Variants in ANO6 observed in about 807,000 individuals in gnomAD.
ANO6 encodes anoctamin-6.
A neutral mutation model predicts 117.5 loss-of-function variants in ANO6; 106 were observed. The ratio of observed to expected loss-of-function variants is 0.90; its 90% CI spans 0.77 to 1.06. The LOEUF is 1.06. Among genes scored for constraint, ANO6 ranks in the 50% least tolerant of loss-of-function variants. ANO6 has a pLI of 0.00. For missense variants in ANO6, 955 were observed against 1,121.1 expected, an observed-to-expected ratio of 0.85 and a Z score of 2.12; for synonymous variants, 367 against 385.1, an observed-to-expected ratio of 0.95 and a Z score of 0.55.
At position 45,281,650 on chromosome 12, in the gene ANO6, G is replaced by A. The variant is rs1054796850; in HGVS notation, c.71-20364G>A. 5.9e-5 allele frequency among the ~76,000 whole-genome samples: 9 copies of A among 152,242 alleles called. No individual in the cohort carries two copies. In the East Asian group the frequency reaches 1.7e-3, roughly 29 times the overall value. On this transcript the variant is annotated intron_variant, in intron 1 of 19. Coordinates refer to ENST00000320560, the MANE Select transcript of ANO6 (RefSeq NM_001025356.3). The stretch of plus-strand genomic sequence containing the variant: ...CATTCATGAGACATCTACCCCCATG[G>A]TCCATTACCTCCCACTAGATGCTGC...
chr12:45,241,075 C>G (rs542994610), intron 1 of ANO6, among the ~76,000 whole-genome samples: 1 of 151,788 alleles, frequency 6.6e-6, no homozygotes, highest in African/African-American at 2.4e-5. Flanking sequence ...TCTCTGTATT[C>G]CCTGAATTTG....
chr12:45,216,200 C>G lies in ANO6; in HGVS notation c.-122C>G, dbSNP rs1947306765. 4 of 1,168,586 alleles carry G rather than the reference C, an allele frequency of 3.4e-6. No homozygotes were observed. In the Admixed American group the frequency reaches 6.0e-5, roughly 18 times the overall value. The allele number at this position is 1,168,586 out of a possible 1,614,324, so 72.4% of individuals were successfully genotyped here. A position where few individuals can be genotyped will look rare whatever the true frequency, so the allele number is the denominator to read the frequency against. On this transcript the variant is annotated 5_prime_UTR_variant, in exon 1 of 20. Coordinates refer to ENST00000320560, the MANE Select transcript of ANO6 (RefSeq NM_001025356.3). ...CCCGGCGCTGGCTGGGCTCAGCGGC[C>G]CCTGAGCCCAAGCGACACACGCCCC... is the stretch of plus-strand genomic sequence containing the variant.
chr12:45,352,829 T>A (rs1190483662), intron 7 of ANO6, among the ~76,000 whole-genome samples: 1 of 152,188 alleles, frequency 6.6e-6, no homozygotes, highest in Non-Finnish European at 1.5e-5. Context: ...CAAAGCAGGA[T>A]CCAAACATGG....
intron 1 of ANO6, among the ~76,000 whole-genome samples, chr12:45,255,789 C>G (rs962861955): frequency 6.7e-6 from 1 of 148,642 alleles, no homozygotes; most frequent in African/African-American, 2.5e-5. Context: ...ATCTCCATCT[C>G]CATCTGGCCC....
intron 1 of ANO6, among the ~76,000 whole-genome samples, chr12:45,237,919 C>G (rs566895946): frequency 6.6e-6 from 1 of 152,172 alleles, no homozygotes; most frequent in African/African-American, 2.4e-5. Context: ...ATTTGTAGTT[C>G]TCCTTGAAGA....
chr12:45,280,230 T>C (rs918719688), intron 1 of ANO6, among the ~76,000 whole-genome samples: 4 of 152,190 alleles, frequency 2.6e-5, no homozygotes, highest in African/African-American at 9.6e-5. Context: ...TTTTTCTCTT[T>C]TCTAAGTTGC....
At chr12:45,237,005 C>T (rs1227197930) in intron 1 of ANO6, among the ~76,000 whole-genome samples, 2 of 152,136 alleles carry the variant, frequency 1.3e-5, no homozygotes, top group Non-Finnish European at 1.5e-5. Flanking sequence ...TTTCATGTTT[C>T]TGTTGGCTGC....
intron 2 of ANO6, among the ~76,000 whole-genome samples, chr12:45,319,956 T>C (rs1940197749): frequency 6.6e-6 from 1 of 152,202 alleles, no homozygotes; most frequent in African/African-American, 2.4e-5. Flanking sequence ...GTGGGATTGG[T>C]GGTGATATCC....
At position 45,310,220 on chromosome 12, in the gene ANO6, G is replaced by T. The variant is rs200402229; in HGVS notation, c.150+8127G>T. On this transcript the variant is annotated intron_variant, in intron 2 of 19. Coordinates refer to ENST00000320560, the MANE Select transcript of ANO6 (RefSeq NM_001025356.3). ...TTAGAAATTTTTTGGAATACAGAAT[G>T]TTATTTTCCCAGAGAAACAGTCATA... Among the ~76,000 whole-genome samples the T allele has an allele frequency of 9.9e-5, 15 of 152,212 alleles. No individual in the cohort carries two copies. In the East Asian group the frequency reaches 2.9e-3, roughly 29 times the overall value.
At chr12:45,335,441 T>A (rs1940797127) in intron 3 of ANO6, 1 of 152,000 alleles carries the variant, frequency 6.6e-6, no homozygotes, top group South Asian at 2.1e-4. Context: ...AAAGTTTTAC[T>A]ATGATGAACA....
intron 1 of ANO6, among the ~76,000 whole-genome samples, chr12:45,274,889 C>T (rs1938503014): frequency 6.7e-6 from 1 of 149,256 alleles, no homozygotes; most frequent in African/African-American, 2.5e-5. Context: ...TTGAATGTCA[C>T]CTACTCAGAG....
At chr12:45,236,285 G>C (rs1482096075) in intron 1 of ANO6, among the ~76,000 whole-genome samples, 3 of 151,990 alleles carry the variant, frequency 2.0e-5, no homozygotes, top group African/African-American at 7.2e-5. Flanking sequence ...ACAACATTTA[G>C]GTTTGTTACA....
intron 6 of ANO6, among the ~76,000 whole-genome samples, chr12:45,349,603 A>G (rs569872478): frequency 3.3e-4 from 51 of 152,326 alleles, no homozygotes; most frequent in African/African-American, 9.4e-4. Flanking sequence ...GAGATTGGTA[A>G]TTGCTACTGT....
chr12:45,410,634 T>A (rs1943063242), intron 16 of ANO6, among the ~76,000 whole-genome samples: 1 of 143,342 alleles, frequency 7.0e-6, no homozygotes, highest in Admixed American at 7.1e-5. Context: ...CAATTACAGT[T>A]TTTTTTAAGC....
intron 2 of ANO6, among the ~76,000 whole-genome samples, chr12:45,314,096 T>C (rs1195924543): frequency 6.6e-6 from 1 of 152,010 alleles, no homozygotes; most frequent in Non-Finnish European, 1.5e-5. Flanking sequence ...CAGTGTGTAC[T>C]GTTTAATGAG....
intron 1 of ANO6, among the ~76,000 whole-genome samples, chr12:45,289,458 G>A (rs769763994): frequency 1.3e-5 from 2 of 152,130 alleles, no homozygotes; most frequent in Admixed American, 1.3e-4. Flanking sequence ...ACTGTGCCCA[G>A]CCGGGTGTGA....
At chr12:45,289,614 G>A (rs1056267929) in intron 1 of ANO6, among the ~76,000 whole-genome samples, 2 of 152,142 alleles carry the variant, frequency 1.3e-5, no homozygotes, top group Non-Finnish European at 2.9e-5. Context: ...ATTAAAAGTA[G>A]TATATCAATT....
chr12:45,423,995 A>G (rs1019524503), intron 19 of ANO6, among the ~76,000 whole-genome samples: 2 of 151,300 alleles, frequency 1.3e-5, no homozygotes, highest in Non-Finnish European at 2.9e-5. Context: ...GGGGTAGACT[A>G]CCTGGATTTT....
chr12:45,402,828 T>C (rs899025304), intron 13 of ANO6, among the ~76,000 whole-genome samples: 2 of 152,208 alleles, frequency 1.3e-5, no homozygotes, highest in Non-Finnish European at 2.9e-5. Context: ...TTGATTTTTT[T>C]GTGGGGCAGG....
Sources: allele counts gnomAD v4.1 joint callset (sites outside exome capture counted in the v4.1 genomes callset), GRCh38; gene constraint gnomAD v4.1.1; transcripts MANE v1.5; gene names NCBI Gene and HGNC (gene_info 2026-07-23, HGNC 2026-07-21).